The following NCOA4 variants were observed in gnomAD, a reference collection of about 807,000 sequenced individuals.
The protein encoded by NCOA4 is 70 kDa AR-activator.
A neutral mutation model predicts 69.5 loss-of-function variants in NCOA4; 31 were observed. The ratio of observed to expected loss-of-function variants is 0.45; its 90% CI spans 0.34 to 0.60. The LOEUF is 0.60. NCOA4 is among the 20% of genes least tolerant of loss of function. The probability of loss-of-function intolerance (pLI) is 0.02; values close to 1 mark genes in which losing one functional copy is unlikely to be tolerated. For missense variants in NCOA4, 600 were observed against 719.2 expected (o/e 0.83, Z 1.90); for synonymous variants, 228 against 252.4 (o/e 0.90, Z 0.92).
In NCOA4 at chr10:46,027,102, C is replaced by G. The variant is rs1468772989; in HGVS notation, c.-15+3424G>C. 2.0e-5 allele frequency among the ~76,000 whole-genome samples: 3 copies of G among 151,990 alleles called. No individual in the cohort carries two copies. The East Asian group carries it at 5.8e-4, about 29-fold the overall frequency. ...TGGCTAACACGGTGAAACCCCATCT[C>G]TACTAAAAAACACAAAAAATTAGCT... On this transcript the variant is annotated intron_variant, in intron 1 of 9. Transcript: ENST00000581486.
intron 9 of NCOA4, chr10:46,009,016 T>C: frequency 1.5e-6 from 1 of 650,198 alleles, no homozygotes. Context: ...CAGACTTAAC[T>C]ATAGTGTATT....
At chr10:46,009,668 C>T (rs1292046959) in intron 8 of NCOA4, 117 bp from the exon 9 acceptor site, 15 of 968,618 alleles carry the variant, frequency 1.5e-5, no homozygotes, top group Non-Finnish European at 2.3e-5. Context: ...TCTGTAACAA[C>T]CAAAAACAAA....
intron 1 of NCOA4, among the ~76,000 whole-genome samples, chr10:46,025,427 C>A (rs1322352820): frequency 2.0e-5 from 3 of 152,170 alleles, no homozygotes; most frequent in South Asian, 2.1e-4. Context: ...TAACATTTTA[C>A]CAGGTTTCTA....
intron 1 of NCOA4, chr10:46,027,406 T>G: frequency 6.5e-7 from 1 of 1,549,806 alleles, no homozygotes; most frequent in Non-Finnish European, 8.7e-7. Context: ...CTAACTGACA[T>G]GCATGGAGAT....
chr10:46,020,009 A>G (rs1177875333), intron 1 of NCOA4, among the ~76,000 whole-genome samples: 5 of 152,194 alleles, frequency 3.3e-5, no homozygotes, highest in Non-Finnish European at 7.3e-5. Flanking sequence ...GAAAGGAGCT[A>G]TGCAAAGGCT....
At position 46,006,616 on chromosome 10, in the gene NCOA4, A is replaced by G; in HGVS notation, c.1840-19T>C. ...TTCACATCTGTAAAGAGACACCCACAGATGATAAGTTACTTCAATGAAGAA... is the reference window on the plus strand; with the variant it reads ...TTCACATCTGTAAAGAGACACCCACGGATGATAAGTTACTTCAATGAAGAA... On this transcript the variant is annotated intron_variant, in intron 9 of 9. Transcript: ENST00000581486. 1 of 1,613,924 alleles carries G rather than the reference A, an allele frequency of 6.2e-7. No individual in the cohort carries two copies. Among genetic ancestry groups the G allele is most frequent in the Non-Finnish European group, 8.5e-7 (1 of 1,179,794 alleles).
chr10:46,012,386 C>T (rs1443007522), intron 7 of NCOA4, among the ~76,000 whole-genome samples: 4 of 152,024 alleles, frequency 2.6e-5, no homozygotes, highest in Non-Finnish European at 5.9e-5. Context: ...CAAGAATGCA[C>T]ACAAATAATT....
chr10:46,015,395 C>A, intron 2 of NCOA4, 129 bp from the exon 3 acceptor site: 1 of 741,142 alleles, frequency 1.3e-6, no homozygotes, highest in South Asian at 1.7e-5. Context: ...TTTTAATTAT[C>A]CAATGACATC....
intron 5 of NCOA4, 109 bp downstream of exon 5, chr10:46,014,335 A>T: frequency 1.3e-6 from 1 of 793,796 alleles, no homozygotes; most frequent in Non-Finnish European, 2.1e-6. Context: ...GAAATTTTTG[A>T]AGCTAATCAA....
rs1838791637 is a variant in NCOA4 at position 46,006,072 on chromosome 10, C to T, written c.*520G>A. 1 of 209,084 alleles carries T rather than the reference C, an allele frequency of 4.8e-6. No homozygotes were observed. The highest frequency in any genetic ancestry group is 1.9e-4 in the South Asian group (1 of 5,340). 13.0% of individuals were successfully genotyped at this position (209,084 alleles called of 1,614,324 possible). A position where few individuals can be genotyped will look rare whatever the true frequency, so the allele number is the denominator to read the frequency against. On this transcript the variant is annotated 3_prime_UTR_variant, in exon 10 of 10. Transcript: ENST00000581486. ...GATTATTAATATATATTTTGGTAAT[C>T]ACTATTGACCAGGTTAATTTTTTTG...
chr10:46,024,478 C>G (rs898651289), intron 1 of NCOA4, among the ~76,000 whole-genome samples: 3 of 152,174 alleles, frequency 2.0e-5, no homozygotes, highest in Non-Finnish European at 4.4e-5. Context: ...ACAGTAAAGT[C>G]TTCAGCTACT....
intron 1 of NCOA4, chr10:46,019,623 G>T: frequency 1.8e-6 from 1 of 557,638 alleles, no homozygotes; most frequent in Non-Finnish European, 2.3e-6. Flanking sequence ...AGTGCTGACT[G>T]TATTACTAGA....
chr10:46,006,328 C>G lies in NCOA4; in HGVS notation c.*264G>C. On this transcript the variant is annotated 3_prime_UTR_variant, in exon 10 of 10. Coordinates refer to ENST00000581486, the MANE Select transcript of NCOA4 (RefSeq NM_001145263.2). ...TGTGAAAAAGACGTCCACAAAGATGCTGCATTTCTAGTGTGGGGTGAATTA... is the reference window on the plus strand; with the variant it reads ...TGTGAAAAAGACGTCCACAAAGATGGTGCATTTCTAGTGTGGGGTGAATTA... 4.0e-6 allele frequency: 2 copies of G among 497,840 alleles called. No individual in the cohort carries two copies. The highest frequency in any genetic ancestry group is 7.3e-6 in the Non-Finnish European group (2 of 275,568). 30.8% of individuals were successfully genotyped at this position (497,840 alleles called of 1,614,324 possible). A position where few individuals can be genotyped will look rare whatever the true frequency, so the allele number is the denominator to read the frequency against.
chr10:46,029,248 C>T (rs1554926094), intron 1 of NCOA4, among the ~76,000 whole-genome samples: 1 of 151,952 alleles, frequency 6.6e-6, no homozygotes. Context: ...CCTTAGAGAC[C>T]CAAGGACAAA....
chr10:46,010,062 T>C (rs1839110876), intron 8 of NCOA4, among the ~76,000 whole-genome samples, 161 bp downstream of exon 8: 1 of 152,058 alleles, frequency 6.6e-6, no homozygotes, highest in Non-Finnish European at 1.5e-5. Context: ...CTCAGGAGGC[T>C]GTAGTGCGGG....
At chr10:46,018,010 A>G (rs1413110237) in intron 1 of NCOA4, among the ~76,000 whole-genome samples, 3 of 152,254 alleles carry the variant, frequency 2.0e-5, no homozygotes, top group African/African-American at 7.2e-5. Flanking sequence ...AAGGGATGAC[A>G]GAAGACTTGT....
At chr10:46,006,736 G>A in intron 9 of NCOA4, 139 bp from the exon 10 acceptor site, 2 of 794,168 alleles carry the variant, frequency 2.5e-6, no homozygotes, top group Non-Finnish European at 4.3e-6. Flanking sequence ...AAGCATTTGT[G>A]TCATGAACTA....
At chr10:46,009,196 T>C in intron 9 of NCOA4, 1 of 1,550,922 alleles carries the variant, frequency 6.4e-7, no homozygotes, top group Non-Finnish European at 8.7e-7. Flanking sequence ...ATCTTGAAAG[T>C]TCATTTTGAA....
chr10:46,008,982 T>C (rs1839021986), intron 9 of NCOA4: 1 of 557,628 alleles, frequency 1.8e-6, no homozygotes, highest in Middle Eastern at 4.6e-4. Flanking sequence ...TACATTGGTT[T>C]CTTCTTAAGA....
Sources: allele counts gnomAD v4.1 joint callset (sites outside exome capture counted in the v4.1 genomes callset), GRCh38; gene constraint gnomAD v4.1.1; transcripts MANE v1.5; gene names NCBI Gene and HGNC (gene_info 2026-07-23, HGNC 2026-07-21).